The following CDC42BPA variants were observed in gnomAD, a reference collection of about 807,000 sequenced individuals.
CDC42BPA encodes the protein serine/threonine-protein kinase MRCK alpha.
In CDC42BPA, 80 loss-of-function variants were observed where a neutral mutation model predicts 223.5. That is an observed-to-expected ratio of 0.36 (90% CI 0.30 to 0.43). CDC42BPA has a LOEUF of 0.43. Among genes scored for constraint, CDC42BPA ranks in the 20% least tolerant of loss-of-function variants. The pLI is 1.00. For synonymous variants in CDC42BPA, 694 were observed against 718.6 expected (o/e 0.97, Z 0.55); for missense variants, 1,743 against 2,099.9 (o/e 0.83, Z 3.32).
chr1:227,149,785 A>G (rs903357056), intron 6 of CDC42BPA, among the ~76,000 whole-genome samples: 1 of 152,228 alleles, frequency 6.6e-6, no homozygotes, highest in Non-Finnish European at 1.5e-5. Context: ...TAAGACGTAC[A>G]GACCCTAGAA....
chr1:227,162,211 T>C (rs1028036139), intron 5 of CDC42BPA, among the ~76,000 whole-genome samples: 6 of 151,890 alleles, frequency 4.0e-5, no homozygotes, highest in Admixed American at 6.6e-5. Context: ...ATAAACTATA[T>C]ACATATACAT....
chr1:227,112,532 A>G (rs1687102937), intron 13 of CDC42BPA, 110 bp from the exon 14 acceptor site: 2 of 979,206 alleles, frequency 2.0e-6, no homozygotes, highest in Admixed American at 6.0e-5. Flanking sequence ...TCAAATGTTT[A>G]AATCCATATT....
intron 5 of CDC42BPA, among the ~76,000 whole-genome samples, chr1:227,168,497 G>GGTTTTTTTTTTTTTTTTT (rs1665462396): frequency 2.5e-5 from 2 of 80,196 alleles, no homozygotes; most frequent in Admixed American, 1.5e-4. Context: ...CTTCCCTGGT[G>GGTTTTTTTTTTTTTTTTT]TTTTTTTTTT....
intron 21 of CDC42BPA, among the ~76,000 whole-genome samples, chr1:227,055,939 T>C (rs1390319575): frequency 2.0e-5 from 3 of 151,972 alleles, no homozygotes; most frequent in African/African-American, 7.2e-5. Flanking sequence ...GTACTGTCCA[T>C]ACTGCAAAAC....
intron 32 of CDC42BPA, among the ~76,000 whole-genome samples, chr1:227,020,961 G>A (rs10916076): frequency 0.32 from 48,398 of 151,998 alleles, 7,961 homozygotes; most frequent in East Asian, 0.5. Flanking sequence ...TTGGTTCTCA[G>A]AGAATAGAGA....
At chr1:227,066,785 T>C (rs1677186213) in intron 21 of CDC42BPA, among the ~76,000 whole-genome samples, 2 of 152,212 alleles carry the variant, frequency 1.3e-5, no homozygotes, top group Non-Finnish European at 2.9e-5. Flanking sequence ...ACTGACGGCA[T>C]TACATACACT....
At chr1:227,187,141 T>C (rs921818504) in intron 5 of CDC42BPA, among the ~76,000 whole-genome samples, 8 of 152,170 alleles carry the variant, frequency 5.3e-5, no homozygotes, top group Non-Finnish European at 8.8e-5. Context: ...TATCTGTCTT[T>C]CAACAAAAAA....
intron 10 of CDC42BPA, among the ~76,000 whole-genome samples, chr1:227,130,859 A>AC (rs1340834928): frequency 2.6e-5 from 4 of 152,162 alleles, no homozygotes; most frequent in African/African-American, 9.6e-5. Flanking sequence ...GTCTCAAAAA[A>AC]AAACAAACAA....
chr1:227,060,717 C>CTTTTTT (rs59728048), intron 21 of CDC42BPA, among the ~76,000 whole-genome samples: 8 of 95,462 alleles, frequency 8.4e-5, no homozygotes, highest in African/African-American at 1.7e-4. Context: ...TAAATAGGTA[C>CTTTTTT]TTTTTTTTTT....
intron 1 of CDC42BPA, among the ~76,000 whole-genome samples, chr1:227,263,777 T>C (rs1210737360): frequency 6.6e-6 from 1 of 152,084 alleles, no homozygotes; most frequent in Non-Finnish European, 1.5e-5. Flanking sequence ...AGACGGGGTT[T>C]CACCATGTTG....
At chr1:227,049,988 TAAAGAA>T (rs975394253) in intron 22 of CDC42BPA, among the ~76,000 whole-genome samples, 1 of 151,974 alleles carries the variant, frequency 6.6e-6, no homozygotes, top group African/African-American at 2.4e-5. Flanking sequence ...GCAGAAGTCA[TAAAGAA>T]AAAGACTGAT....
chr1:227,012,981 T>C (rs545877741), intron 34 of CDC42BPA, among the ~76,000 whole-genome samples: 13 of 152,252 alleles, frequency 8.5e-5, no homozygotes, highest in African/African-American at 3.1e-4. Context: ...CCAGGTTATA[T>C]GTCCTTTGGT....
At chr1:227,018,863 C>T (rs918766763) in intron 32 of CDC42BPA, among the ~76,000 whole-genome samples, 1 of 152,134 alleles carries the variant, frequency 6.6e-6, no homozygotes, top group African/African-American at 2.4e-5. Context: ...TGCTTTATTG[C>T]CAAAAATGCT....
chr1:227,092,910 G>A (rs943686868), intron 15 of CDC42BPA, among the ~76,000 whole-genome samples: 1 of 152,062 alleles, frequency 6.6e-6, no homozygotes, highest in Non-Finnish European at 1.5e-5. Context: ...AAATACTCCA[G>A]TGTGTATCTT....
intron 16 of CDC42BPA, among the ~76,000 whole-genome samples, chr1:227,086,310 G>C (rs1256907110): frequency 4.6e-5 from 7 of 152,168 alleles, no homozygotes; most frequent in African/African-American, 1.7e-4. Flanking sequence ...TAAGTCTTAA[G>C]GGGACTATGC....
intron 1 of CDC42BPA, among the ~76,000 whole-genome samples, chr1:227,261,124 C>CTTTTTTTTTCTTTTTTT (rs386369874): frequency 8.3e-6 from 1 of 121,002 alleles, no homozygotes; most frequent in African/African-American, 3.2e-5. Flanking sequence ...TTGAGTTTTT[C>CTTTTTTTTTCTTTTTTT]TTTTTTTTTG....
At position 227,029,009 on chromosome 1, in the gene CDC42BPA, G is replaced by C. The variant is rs751436946; in HGVS notation, c.4080C>G (p.Val1360=). The change falls in exon 30 of 37, where the codon GTC becomes GTG. Residue 1360 remains valine, a synonymous_variant. Coordinates refer to ENST00000366766, the MANE Select transcript of CDC42BPA (RefSeq NM_001394014.1). ...TGCTCTGAAATAGTTCATAACAGAGGACCTGCCTTTTCATAGCCACACACA... is the reference window on the plus strand; with the variant it reads ...TGCTCTGAAATAGTTCATAACAGAGCACCTGCCTTTTCATAGCCACACACA... ...TCLCVAMKRQ[V]LCYELFQSKT... 5.0e-6 allele frequency: 8 copies of C among 1,613,868 alleles called. No homozygotes were observed. The African/African-American group carries it at 5.3e-5, about 11-fold the overall frequency.
chr1:227,276,528 G>A (rs1020716725), intron 1 of CDC42BPA, among the ~76,000 whole-genome samples: 3 of 151,280 alleles, frequency 2.0e-5, no homozygotes, highest in Non-Finnish European at 4.4e-5. Flanking sequence ...CACCCCGTCC[G>A]GGAGGTGCGG....
At chr1:227,229,209 G>C (rs181870868) in intron 2 of CDC42BPA, among the ~76,000 whole-genome samples, 1 of 152,196 alleles carries the variant, frequency 6.6e-6, no homozygotes, top group African/African-American at 2.4e-5. Flanking sequence ...GTATGAAGTA[G>C]AGTCCAACTT....
Sources: allele counts gnomAD v4.1 joint callset (sites outside exome capture counted in the v4.1 genomes callset), GRCh38; gene constraint gnomAD v4.1.1; transcripts MANE v1.5; gene names NCBI Gene and HGNC (gene_info 2026-07-23, HGNC 2026-07-21).